Variants in RGS7 observed in about 807,000 individuals in gnomAD.
RGS7 encodes the protein regulator of G protein signaling 7, also known as regulator of G-protein signaling 7.
RGS7 carries 27 observed loss-of-function variants against 81.1 expected under a neutral mutation model. The observed-to-expected ratio is 0.33, with a 90% CI of 0.25 to 0.46. The LOEUF is 0.46. RGS7 is among the 20% of genes least tolerant of loss of function. The probability of loss-of-function intolerance (pLI) is 1.00; values close to 1 mark genes in which losing one functional copy is unlikely to be tolerated. For synonymous variants in RGS7, 208 were observed against 207.7 expected (o/e 1.00, Z -0.01); for missense variants, 396 against 607.4 (o/e 0.65, Z 3.66).
At chr1:241,008,138 A>C (rs947740711) in intron 3 of RGS7, among the ~76,000 whole-genome samples, 1 of 150,296 alleles carries the variant, frequency 6.7e-6, no homozygotes, top group Admixed American at 6.6e-5. Context: ...ACAAACAAAC[A>C]AAACAAACAA....
At chr1:241,111,556 G>C (rs1052312333) in intron 2 of RGS7, among the ~76,000 whole-genome samples, 8 of 151,934 alleles carry the variant, frequency 5.3e-5, no homozygotes, top group African/African-American at 1.9e-4. Context: ...GAGAAGGATT[G>C]CTTGAGGCCA....
intron 2 of RGS7, among the ~76,000 whole-genome samples, chr1:241,352,907 A>G (rs540182874): frequency 6.6e-6 from 1 of 152,388 alleles, no homozygotes; most frequent in East Asian, 1.9e-4. Flanking sequence ...AAATGGAAAC[A>G]GCACATACAT....
At chr1:241,020,523 T>G (rs1394759734) in intron 3 of RGS7, among the ~76,000 whole-genome samples, 1 of 152,196 alleles carries the variant, frequency 6.6e-6, no homozygotes, top group Non-Finnish European at 1.5e-5. Context: ...TCTAGGAAGA[T>G]CTCATCTTGA....
chr1:241,186,281 A>G (rs1370598179), intron 2 of RGS7, among the ~76,000 whole-genome samples: 1 of 152,132 alleles, frequency 6.6e-6, no homozygotes, highest in Non-Finnish European at 1.5e-5. Context: ...TTTATTCATA[A>G]TTTCCCAAAT....
At chr1:241,042,311 G>A (rs2945542) in intron 3 of RGS7, among the ~76,000 whole-genome samples, 148,561 of 152,240 alleles carry the variant, frequency 0.98, 72,596 homozygotes, top group East Asian at 1. Flanking sequence ...CCACTCAGAA[G>A]AACTCTCCCA....
intron 2 of RGS7, among the ~76,000 whole-genome samples, chr1:241,284,504 C>CTA (rs1251129562): frequency 2.0e-5 from 3 of 152,232 alleles, no homozygotes; most frequent in South Asian, 4.1e-4. Flanking sequence ...AGTAACACCC[C>CTA]AGGAACAATG....
chr1:240,924,094 T>C (rs1411866585), intron 6 of RGS7, among the ~76,000 whole-genome samples: 1 of 152,196 alleles, frequency 6.6e-6, no homozygotes, highest in Admixed American at 6.5e-5. Context: ...TATGGCAAGC[T>C]TTCTACCAAT....
chr1:240,886,129 G>A (rs951665457), intron 6 of RGS7, among the ~76,000 whole-genome samples: 3 of 152,092 alleles, frequency 2.0e-5, no homozygotes, highest in Admixed American at 6.6e-5. Flanking sequence ...AAGCAAAATG[G>A]TTAAAATATT....
At chr1:241,004,314 A>C (rs1468715122) in intron 3 of RGS7, among the ~76,000 whole-genome samples, 1 of 152,100 alleles carries the variant, frequency 6.6e-6, no homozygotes, top group Non-Finnish European at 1.5e-5. Context: ...CCTTTTGTTC[A>C]TTCCACAATA....
chr1:240,962,364 GTC>G lies in RGS7; in HGVS notation c.226+20713_226+20714del, dbSNP rs562969069. Among the ~76,000 whole-genome samples the G allele has an allele frequency of 5.3e-5, 8 of 152,220 alleles. No individual in the cohort carries two copies. The South Asian group carries it at 1.7e-3, about 32-fold the overall frequency. On this transcript the variant is annotated intron_variant, in intron 4 of 18. Coordinates refer to ENST00000440928, the MANE Select transcript of RGS7 (RefSeq NM_001364886.1). ...TGACTCCTGCTCTCTATGGTTAAAAGTCTCTTAAAAATCTATCTCTGCTGTAG... is the reference window on the plus strand; with the variant it reads ...TGACTCCTGCTCTCTATGGTTAAAAGTCTTAAAAATCTATCTCTGCTGTAG...
Position 240,867,960 on chromosome 1 carries a change from C to T in RGS7, c.609+627G>A, listed in dbSNP as rs1290918809. On this transcript the variant is annotated intron_variant, in intron 9 of 18. Coordinates refer to ENST00000440928, the MANE Select transcript of RGS7 (RefSeq NM_001364886.1). ...AGGTTACAGTGAGCCAAGATCATGC[C>T]ACTGTACTCCAGCCTGGGCCACAGA... 2.7e-5 allele frequency among the ~76,000 whole-genome samples: 4 copies of T among 147,242 alleles called. No individual in the cohort carries two copies. The East Asian group carries it at 8.0e-4, about 30-fold the overall frequency.
chr1:240,944,576 A>G (rs1455611510), intron 4 of RGS7, among the ~76,000 whole-genome samples: 1 of 152,068 alleles, frequency 6.6e-6, no homozygotes, highest in Non-Finnish European at 1.5e-5. Flanking sequence ...TTTCTACAGC[A>G]TGTATTTCTT....
At chr1:241,224,503 A>G (rs1176420950) in intron 2 of RGS7, among the ~76,000 whole-genome samples, 1 of 152,000 alleles carries the variant, frequency 6.6e-6, no homozygotes, top group Non-Finnish European at 1.5e-5. Flanking sequence ...TTATTGATGG[A>G]CATTTATATA....
chr1:240,994,083 A>G (rs1686920106), intron 3 of RGS7, among the ~76,000 whole-genome samples: 2 of 152,240 alleles, frequency 1.3e-5, no homozygotes, highest in Admixed American at 6.5e-5. Context: ...CCACAGTTAT[A>G]TAATGTCTTG....
intron 9 of RGS7, among the ~76,000 whole-genome samples, chr1:240,855,098 A>T (rs977471747): frequency 6.6e-6 from 1 of 152,154 alleles, no homozygotes; most frequent in African/African-American, 2.4e-5. Context: ...AGTTACAATC[A>T]ATATTCAGTA....
intron 2 of RGS7, among the ~76,000 whole-genome samples, chr1:241,260,260 G>C (rs1573396175): frequency 6.6e-6 from 1 of 152,166 alleles, no homozygotes; most frequent in East Asian, 1.9e-4. Context: ...GTACACAGTA[G>C]GTCACTTGAA....
rs1185922862 is a variant in RGS7, at chr1:241,327,137, AGAAAGAAAG to A, written c.78+28553_78+28561del. 1.1e-4 allele frequency among the ~76,000 whole-genome samples: 13 copies of A among 114,192 alleles called. 2 individuals are homozygous for A. Among genetic ancestry groups the A allele is most frequent in the African/African-American group, 2.5e-4 (8 of 31,554 alleles). 74.9% of individuals were successfully genotyped at this position (114,192 alleles called of 152,430 possible). On this transcript the variant is annotated intron_variant, in intron 2 of 18. Transcript: ENST00000440928. ...AAGAAAGAAAGAAAGAAAGAAAGAA[AGAAAGAAAG>A]GAAAGAAAGAAAGAAAGAAACACAC...
At chr1:240,893,996 G>A (rs950394080) in intron 6 of RGS7, among the ~76,000 whole-genome samples, 6 of 152,020 alleles carry the variant, frequency 3.9e-5, no homozygotes, top group African/African-American at 1.4e-4. Flanking sequence ...GCTATTTTTA[G>A]TAGATCTCTT....
At chr1:241,308,003 A>AT (rs1367851891) in intron 2 of RGS7, among the ~76,000 whole-genome samples, 2 of 152,172 alleles carry the variant, frequency 1.3e-5, no homozygotes, top group African/African-American at 4.8e-5. Flanking sequence ...CATTCTTATG[A>AT]TTTTATACTT....
Sources: allele counts gnomAD v4.1 joint callset (sites outside exome capture counted in the v4.1 genomes callset), GRCh38; gene constraint gnomAD v4.1.1; transcripts MANE v1.5; gene names NCBI Gene and HGNC (gene_info 2026-07-23, HGNC 2026-07-21).